Variants in CIC observed in about 807,000 individuals in gnomAD.
CIC encodes the protein protein capicua homolog.
A neutral mutation model predicts 115.7 loss-of-function variants in CIC; 18 were observed. The ratio of observed to expected loss-of-function variants is 0.16; its 90% CI spans 0.11 to 0.23. CIC has a LOEUF of 0.23. Among genes scored for constraint, CIC ranks in the 10% least tolerant of loss-of-function variants. The probability of loss-of-function intolerance (pLI) is 1.00; values close to 1 mark genes in which losing one functional copy is unlikely to be tolerated. For missense variants in CIC, 2,000 were observed against 2,159.3 expected, an observed-to-expected ratio of 0.93 and a Z score of 1.46; for synonymous variants, 1,076 against 923.0, an observed-to-expected ratio of 1.17 and a Z score of -3.01.
chr19:42,295,075 G>C lies in CIC; in HGVS notation c.7438G>C (p.Ala2480Pro). The change falls in exon 21 of 21, where the codon GCT (alanine) becomes CCT (proline). Residue 2480 changes from alanine to proline, a missense_variant. Physicochemically the swap from Ala to Pro is conservative, Grantham distance 27 (BLOSUM62 -1). Transcript: ENST00000681038. Reference protein sequence around the residue: ...SPSSDSGTAQAAPPLPPPPES... With the variant: ...SPSSDSGTAQPAPPLPPPPES... ...CAGCTCGGACTCTGGCACGGCCCAG[G>C]CTGCCCCGCCACTGCCTCCACCCCC... The C allele has an allele frequency of 1.3e-6, 2 of 1,519,964 alleles. No individual in the cohort carries two copies. Among genetic ancestry groups the C allele is most frequent in the East Asian group, 2.5e-5 (1 of 40,748 alleles). 94.2% of individuals were successfully genotyped at this position (1,519,964 alleles called of 1,614,324 possible).
rs1328186563 is a variant in CIC, at chr19:42,289,223, A to G, written c.3904A>G (p.Thr1302Ala). 6.2e-7 allele frequency: 1 copy of G among 1,613,318 alleles called. No homozygotes were observed. Among genetic ancestry groups the G allele is most frequent in the Non-Finnish European group, 8.5e-7 (1 of 1,180,024 alleles). ...ATCGTACTCTGGCCCAAAGCCTTCT[A>G]CCCAGTATGGAGCTCCAGGACCCTT... ...PASYSGPKPS[T>A]QYGAPGPFAA... The change falls in exon 9 of 21, where the codon ACC (threonine) becomes GCC (alanine). Residue 1302 changes from threonine (T) to alanine (A), a missense_variant. Transcript: ENST00000681038.
In CIC at chr19:42,292,958, G is replaced by A. The variant is rs757839738; in HGVS notation, c.6199G>A (p.Gly2067Ser). The change falls in exon 16 of 21, where the codon GGT becomes AGT. Residue 2067 changes from glycine (G) to serine (S), a missense_variant and splice_region_variant. By Grantham distance (56) the Gly-to-Ser change is moderately conservative (BLOSUM62 0). Coordinates refer to ENST00000681038, the MANE Select transcript of CIC (RefSeq NM_001386298.1). Reference sequence around the variant, plus strand: ...GCAAACAATTTTCTCCCCACTAGCAGGTTCCATGACCTACAGCTTAGTGGC... The same window carrying A: ...GCAAACAATTTTCTCCCCACTAGCAAGTTCCATGACCTACAGCTTAGTGGC... ...PTSPFPSATA[G>S]SMTYSLVAPK... The A allele has an allele frequency of 9.3e-6, 15 of 1,613,772 alleles. No individual in the cohort carries two copies. Among genetic ancestry groups the A allele is most frequent in the Middle Eastern group, 3.3e-4 (2 of 6,084 alleles).
intron 7 of CIC, among the ~76,000 whole-genome samples, 176 bp from the exon 8 acceptor site, chr19:42,288,712 C>T (rs1201356721): frequency 6.6e-6 from 1 of 151,930 alleles, no homozygotes; most frequent in African/African-American, 2.4e-5. Context: ...GGGCAGGAAT[C>T]AGCAGGAATG....
Position 42,293,114 on chromosome 19 carries a change from C to T in CIC, c.6355C>T (p.Pro2119Ser), listed in dbSNP as rs1372827426. The change falls in exon 16 of 21, where the codon CCT becomes TCT. Residue 2119 changes from proline to serine, a missense_variant. By Grantham distance (74) the Pro-to-Ser change is moderately conservative. Coordinates refer to ENST00000681038, the MANE Select transcript of CIC (RefSeq NM_001386298.1). ...PGPAPRQPLE[P>S]GPVREPTAPE... Reference sequence around the variant, plus strand: ...CCCTGCACCCCGGCAGCCTCTGGAGCCTGGCCCAGTCCGAGAGCCAACTGC... The same window carrying T: ...CCCTGCACCCCGGCAGCCTCTGGAGTCTGGCCCAGTCCGAGAGCCAACTGC... 3 of 1,609,538 alleles carry T rather than the reference C, an allele frequency of 1.9e-6. No homozygotes were observed. The highest frequency in any genetic ancestry group is 2.5e-6 in the Non-Finnish European group (3 of 1,178,620).
chr19:42,288,247 T>C (rs1370415482), intron 7 of CIC, among the ~76,000 whole-genome samples: 1 of 152,228 alleles, frequency 6.6e-6, no homozygotes, highest in African/African-American at 2.4e-5. Flanking sequence ...GAATATAAGC[T>C]GTAGTCTGCA....
rs775832698 is a variant in CIC, at chr19:42,291,460, C to T, written c.5419C>T (p.Pro1807Ser). Reference protein sequence around the residue: ...ILQSVPSAPPPKAQSVSPVQA... With the variant: ...ILQSVPSAPPSKAQSVSPVQA... ...GCAGTCTGTACCCTCCGCCCCACCCCCCAAAGGTGAGACCTGGGCCGGGCA... is the reference window on the plus strand; with the variant it reads ...GCAGTCTGTACCCTCCGCCCCACCCTCCAAAGGTGAGACCTGGGCCGGGCA... Residue 1807 changes from proline (P) to serine (S), a missense_variant, in exon 11 of 21, where the codon CCC (proline) becomes TCC (serine). Physicochemically the swap from Pro to Ser is moderately conservative, Grantham distance 74. Around this residue, in one of 8 missense-constraint regions of CIC, gnomAD observed 1,466 missense variants for 1,390.4 expected, o/e 1.05. Transcript: ENST00000681038. 2.5e-6 allele frequency: 4 copies of T among 1,613,136 alleles called. No homozygotes were observed. Among genetic ancestry groups the T allele is most frequent in the Admixed American group, 1.7e-5 (1 of 60,026 alleles).
chr19:42,271,177 C>G (rs941284127), intron 1 of CIC, among the ~76,000 whole-genome samples: 3 of 152,226 alleles, frequency 2.0e-5, no homozygotes, highest in Non-Finnish European at 4.4e-5. Context: ...TGCATGTACT[C>G]TCTGCATGGT....
At chr19:42,285,793 C>T (rs10409433) in intron 2 of CIC, among the ~76,000 whole-genome samples, 4 of 152,236 alleles carry the variant, frequency 2.6e-5, no homozygotes, top group African/African-American at 9.7e-5. Context: ...AAAGTCCAGC[C>T]AGGGGTAGGT....
chr19:42,294,997 G>A lies in CIC; in HGVS notation c.7360G>A (p.Ala2454Thr), dbSNP rs2147357234. 6.3e-7 allele frequency: 1 copy of A among 1,595,760 alleles called. No individual in the cohort carries two copies. Among genetic ancestry groups the A allele is most frequent in the Non-Finnish European group, 8.5e-7 (1 of 1,178,120 alleles). Residue 2454 changes from alanine to threonine, a missense_variant, in exon 21 of 21, where the codon GCT becomes ACT. Physicochemically the swap from Ala to Thr is moderately conservative, Grantham distance 58 (BLOSUM62 0). Around this residue, in one of 8 missense-constraint regions of CIC, gnomAD observed 133 missense variants for 116.0 expected, o/e 1.15. Coordinates refer to ENST00000681038, the MANE Select transcript of CIC (RefSeq NM_001386298.1). Reference protein sequence around the residue: ...LPVPPPTGTAAAPAPTPSPAG... With the variant: ...LPVPPPTGTATAPAPTPSPAG... ...TGTACCGCCCCCCACTGGCACCGCT[G>A]CTGCCCCTGCCCCCACTCCCAGCCC...
intron 7 of CIC, among the ~76,000 whole-genome samples, chr19:42,288,658 C>G (rs1311640353): frequency 1.3e-5 from 2 of 152,130 alleles, no homozygotes; most frequent in Non-Finnish European, 2.9e-5. Context: ...TCCTTACTTT[C>G]AGGAGGGCTG....
At chr19:42,279,578 A>C (rs2037128160) in intron 2 of CIC, among the ~76,000 whole-genome samples, 1 of 152,268 alleles carries the variant, frequency 6.6e-6, no homozygotes, top group South Asian at 2.1e-4. Context: ...GTGAAAGTGC[A>C]TGAACTCCGA....
At chr19:42,290,116 T>G in intron 10 of CIC, 117 bp from the exon 11 acceptor site, 7 of 1,503,096 alleles carry the variant, frequency 4.7e-6, no homozygotes, top group Non-Finnish European at 5.5e-6. Context: ...GGCCTTCAGC[T>G]GGCAGGGGTG....
At chr19:42,283,618 TTGTC>T (rs1444956464) in intron 2 of CIC, among the ~76,000 whole-genome samples, 5 of 152,184 alleles carry the variant, frequency 3.3e-5, no homozygotes, top group East Asian at 3.9e-4. Context: ...TACGCGCAGT[TTGTC>T]TGCCCAGCGG....
intron 2 of CIC, among the ~76,000 whole-genome samples, chr19:42,275,640 C>T (rs901524885): frequency 4.6e-5 from 7 of 152,092 alleles, no homozygotes; most frequent in Non-Finnish European, 7.4e-5. Flanking sequence ...GTCGGAAGCT[C>T]CTTCCTAGCA....
Position 42,295,035 on chromosome 19 carries a change from T to C in CIC, c.7398T>C (p.Pro2466=), listed in dbSNP as rs2147358390. The C allele has an allele frequency of 6.5e-7, 1 of 1,535,602 alleles. No individual in the cohort carries two copies. The highest frequency in any genetic ancestry group is 8.7e-7 in the Non-Finnish European group (1 of 1,152,702). ...PAPTPSPAGG[P]DPTSPSSDSG... is the part of the protein sequence containing the mutation. ...CCACTCCCAGCCCCGCAGGGGGCCC[T>C]GACCCCACCTCACCCAGCTCGGACT... The change falls in exon 21 of 21, where the codon CCT becomes CCC. Residue 2466 remains proline (P), a synonymous_variant. Transcript: ENST00000681038.
At chr19:42,288,232 A>G (rs1005653082) in intron 7 of CIC, among the ~76,000 whole-genome samples, 11 of 152,214 alleles carry the variant, frequency 7.2e-5, no homozygotes, top group African/African-American at 2.7e-4. Context: ...GCCTGGCACT[A>G]CAGGGAATAT....
rs1364974853 is a variant in CIC, at chr19:42,288,996, C to G, written c.3767C>G (p.Pro1256Arg). ...GAERLHTVGG[P>R]GSARPRAFSH... ...GAACGGCTACACACAGTTGGGGGAC[C>G]TGGCTCAGCCCGGCCCCGAGCTTTC... The change falls in exon 8 of 21, where the codon CCT becomes CGT. Residue 1256 changes from proline (P) to arginine (R), a missense_variant. By Grantham distance (103) the Pro-to-Arg change is moderately radical. Around this residue, in one of 8 missense-constraint regions of CIC, gnomAD observed 1,466 missense variants for 1,390.4 expected, o/e 1.05. Coordinates refer to ENST00000681038, the MANE Select transcript of CIC (RefSeq NM_001386298.1). The G allele has an allele frequency of 6.2e-7, 1 of 1,613,816 alleles. No homozygotes were observed. Among genetic ancestry groups the G allele is most frequent in the African/African-American group, 1.3e-5 (1 of 74,936 alleles).
rs540867615 is a variant in CIC at position 42,292,622 on chromosome 19, C to A, written c.5959C>A (p.Pro1987Thr). Residue 1987 changes from proline (P) to threonine (T), a missense_variant, in exon 15 of 21, where the codon CCC becomes ACC. Pro to Thr is a conservative substitution (Grantham distance 38). Transcript: ENST00000681038. Reference protein sequence around the residue: ...GQVGVSPVPSPQLPPACAAPG... With the variant: ...GQVGVSPVPSTQLPPACAAPG... ...GGTGGGCGTGTCACCTGTGCCCAGT[C>A]CCCAGCTGCCGCCTGCCTGTGCAGC... 3 of 1,613,448 alleles carry A rather than the reference C, an allele frequency of 1.9e-6. No homozygotes were observed. Among genetic ancestry groups the A allele is most frequent in the Non-Finnish European group, 2.5e-6 (3 of 1,179,890 alleles).
chr19:42,285,319 G>A (rs2037554516), intron 2 of CIC, among the ~76,000 whole-genome samples: 1 of 152,150 alleles, frequency 6.6e-6, no homozygotes, highest in Admixed American at 6.5e-5. Context: ...CCACCCCCCA[G>A]AAAAGAGGAG....
Sources: gnomAD v4.1 joint callset for allele counts (sites outside exome capture counted in the v4.1 genomes callset) on GRCh38, gnomAD v4.1.1 for gene constraint, gnomAD v4.1.1 regional missense constraint, MANE v1.5 for transcripts, NCBI Gene and HGNC (gene_info 2026-07-23, HGNC 2026-07-21) for gene names.